Variants in GFM2 observed in about 807,000 individuals in gnomAD.
The protein encoded by GFM2 is GTP dependent ribosome recycling factor mitochondrial 2.
In GFM2, 72 loss-of-function variants were observed where a neutral mutation model predicts 95.4. The ratio of observed to expected loss-of-function variants is 0.76; its 90% CI spans 0.62 to 0.92. GFM2 has a LOEUF of 0.92. GFM2 is among the 40% of genes least tolerant of loss of function. The probability of loss-of-function intolerance (pLI) is 0.00; values close to 1 mark genes in which losing one functional copy is unlikely to be tolerated. For synonymous variants in GFM2, 276 were observed against 317.5 expected (o/e 0.87, Z 1.39); for missense variants, 825 against 924.1 (o/e 0.89, Z 1.39).
At chr5:74,764,642 T>C (rs1314179849) in intron 1 of GFM2, among the ~76,000 whole-genome samples, 1 of 152,136 alleles carries the variant, frequency 6.6e-6, no homozygotes, top group Non-Finnish European at 1.5e-5. Context: ...GTTATTAAGA[T>C]ATGTGAAACC....
chr5:74,740,485 A>G (rs371934272), intron 11 of GFM2, among the ~76,000 whole-genome samples: 1 of 152,238 alleles, frequency 6.6e-6, no homozygotes, highest in African/African-American at 2.4e-5. Flanking sequence ...GGAACTGATC[A>G]TAAATAAAAT....
chr5:74,739,523 C>T (rs1234379483), intron 12 of GFM2, among the ~76,000 whole-genome samples: 1 of 152,074 alleles, frequency 6.6e-6, no homozygotes, highest in African/African-American at 2.4e-5. Flanking sequence ...TAATTAAAGT[C>T]CATTTCTCTG....
At chr5:74,761,154 C>A (rs560951636) in intron 2 of GFM2, among the ~76,000 whole-genome samples, 168 bp from the exon 3 acceptor site, 1 of 152,090 alleles carries the variant, frequency 6.6e-6, no homozygotes, top group Non-Finnish European at 1.5e-5. Context: ...CCAAATATAT[C>A]CTAGGGGAAA....
At chr5:74,741,292 T>C (rs1039409192) in intron 11 of GFM2, among the ~76,000 whole-genome samples, 6 of 152,114 alleles carry the variant, frequency 3.9e-5, no homozygotes, top group South Asian at 2.1e-4. Context: ...GCAGACTCAA[T>C]AGAAGTTAAA....
intron 15 of GFM2, 38 bp downstream of exon 15, chr5:74,736,758 A>G (rs754610870): frequency 6.2e-7 from 1 of 1,610,620 alleles, no homozygotes; most frequent in South Asian, 1.1e-5. Context: ...ATAAATTATC[A>G]GCGCACTAAT....
chr5:74,726,019 C>CA lies in GFM2; in HGVS notation c.1833dup (p.Ala612CysfsTer2), dbSNP rs764127754. ...AAAAGGCCTTCATTGATACTTTCAG[C>CA]ATACTCAAACTCAATCACAGGCATA... On this transcript the variant is annotated frameshift_variant, in exon 18 of 21. Coordinates refer to ENST00000296805, the MANE Select transcript of GFM2 (RefSeq NM_032380.5). LOFTEE classifies it high-confidence loss of function. 1.9e-6 allele frequency: 3 copies of CA among 1,576,868 alleles called. No individual in the cohort carries two copies. The South Asian group carries it at 3.3e-5, about 18-fold the overall frequency.
chr5:74,724,400 G>A (rs1029570484), intron 19 of GFM2, among the ~76,000 whole-genome samples: 1 of 151,710 alleles, frequency 6.6e-6, no homozygotes, highest in South Asian at 2.1e-4. Flanking sequence ...GGGTTTGGGA[G>A]GCCGAGGTTG....
At chr5:74,746,251 G>T in intron 8 of GFM2, 86 bp from the exon 9 acceptor site, 2 of 638,092 alleles carry the variant, frequency 3.1e-6, no homozygotes, top group Non-Finnish European at 4.8e-6. Context: ...AACTCTTTCA[G>T]GTTTTAAGAA....
At position 74,760,971 on chromosome 5, in the gene GFM2, T is replaced by C; in HGVS notation, c.79A>G (p.Lys27Glu). 1.9e-6 allele frequency: 3 copies of C among 1,592,784 alleles called. No homozygotes were observed. Among genetic ancestry groups the C allele is most frequent in the Non-Finnish European group, 2.6e-6 (3 of 1,161,888 alleles). The part of the protein sequence containing the change: ...SVYINNICCY[K>E]IRASLKRLKP... ...AATCTTTTTAAACTTGCTCTTATTT[T>C]ATAGCAGCATATATTCTAGTAAAGA... Residue 27 changes from lysine (K) to glutamate (E), a missense_variant, in exon 3 of 21, where the codon AAA becomes GAA. Lys to Glu is a moderately conservative substitution (Grantham distance 56). Transcript: ENST00000296805.
chr5:74,726,370 G>C (rs1021946394), intron 17 of GFM2, among the ~76,000 whole-genome samples: 1 of 152,122 alleles, frequency 6.6e-6, no homozygotes, highest in Non-Finnish European at 1.5e-5. Context: ...TTAACATTAA[G>C]ATATGTTGAG....
Position 74,740,060 on chromosome 5 carries a change from T to C in GFM2, c.1008A>G (p.Lys336=). 6.2e-7 allele frequency: 1 copy of C among 1,606,740 alleles called. No homozygotes were observed. Among genetic ancestry groups the C allele is most frequent in the South Asian group, 1.1e-5 (1 of 89,698 alleles). Residue 336 remains lysine, a synonymous_variant, in exon 12 of 21, where the codon AAA becomes AAG. Transcript: ENST00000296805. Reference sequence around the variant, plus strand: ...CAGCATCTAACAAGGGCTGTATCCCTTTGTTTTTCAGGGCACTTCCACAAA... The same window carrying C: ...CAGCATCTAACAAGGGCTGTATCCCCTTGTTTTTCAGGGCACTTCCACAAA... The part of the protein sequence containing the change: ...PVLCGSALKN[K]GIQPLLDAVT...
chr5:74,733,104 G>T lies in GFM2; in HGVS notation c.1511-6C>A. 1 of 1,595,224 alleles carries T rather than the reference G, an allele frequency of 6.3e-7. No individual in the cohort carries two copies. On this transcript the variant is annotated splice_polypyrimidine_tract_variant and splice_region_variant and intron_variant, in intron 15 of 20. Transcript: ENST00000296805. ...TTTCAACGCATGTTCCAAATCTATG[G>T]GATAAACAACTGTTATCTTTACATT...
chr5:74,750,374 C>T (rs1167363996), intron 7 of GFM2, among the ~76,000 whole-genome samples: 1 of 152,136 alleles, frequency 6.6e-6, no homozygotes, highest in Admixed American at 6.5e-5. Context: ...GTTCTTGACA[C>T]CAGCTTTCCT....
intron 16 of GFM2, among the ~76,000 whole-genome samples, chr5:74,730,951 T>A (rs1742533209): frequency 6.6e-6 from 1 of 152,116 alleles, no homozygotes; most frequent in African/African-American, 2.4e-5. Context: ...GCAGCTGGGA[T>A]TACAGGCATG....
intron 15 of GFM2, chr5:74,736,451 CATG>C (rs1742837823): frequency 1.0e-6 from 1 of 984,920 alleles, no homozygotes; most frequent in African/African-American, 1.7e-5. Context: ...CATTTTTATA[CATG>C]ATGATGACAA....
rs181294092 is a variant in GFM2, at chr5:74,765,692, G to A, written c.-25+1246C>T. Among the ~76,000 whole-genome samples, 9 of 152,030 alleles carry A rather than the reference G, an allele frequency of 5.9e-5. No individual in the cohort carries two copies. In the East Asian group the frequency reaches 1.7e-3, roughly 29 times the overall value. On this transcript the variant is annotated intron_variant, in intron 1 of 20. Transcript: ENST00000296805. The stretch of plus-strand genomic sequence containing the variant: ...AATGATGAGATCACCTTAGAAAATG[G>A]AGCCTTAAAAAACTGCTTCAAAGGC...
At chr5:74,740,243 T>C in intron 11 of GFM2, 106 bp from the exon 12 acceptor site, 1 of 746,168 alleles carries the variant, frequency 1.3e-6, no homozygotes, top group Non-Finnish European at 2.1e-6. Context: ...GCACTCCTCA[T>C]CACACCTTCA....
At chr5:74,743,379 CAA>C (rs1259926279) in intron 10 of GFM2, among the ~76,000 whole-genome samples, 2 of 152,164 alleles carry the variant, frequency 1.3e-5, no homozygotes, top group Non-Finnish European at 2.9e-5. Context: ...CAACAGTGCG[CAA>C]AGTTATAATT....
chr5:74,766,711 T>C (rs116770066), intron 1 of GFM2, among the ~76,000 whole-genome samples: 238 of 152,328 alleles, frequency 1.6e-3, no homozygotes, highest in Admixed American at 3.3e-3. Flanking sequence ...TCAGTATCCT[T>C]CACAATCATG....
Sources: allele counts gnomAD v4.1 joint callset (sites outside exome capture counted in the v4.1 genomes callset), GRCh38; gene constraint gnomAD v4.1.1; transcripts MANE v1.5; gene names NCBI Gene and HGNC (gene_info 2026-07-23, HGNC 2026-07-21).